Variants in GABBR2 observed in about 807,000 individuals in gnomAD.
GABBR2 encodes the protein gamma-aminobutyric acid type B receptor subunit 2.
A neutral mutation model predicts 105.6 loss-of-function variants in GABBR2; 23 were observed. The ratio of observed to expected loss-of-function variants is 0.22; its 90% CI spans 0.16 to 0.31. GABBR2 has a LOEUF of 0.31. Ranked by LOEUF, GABBR2 falls within the 10% of genes least tolerant of loss-of-function variation. GABBR2 has a pLI of 1.00. For missense variants in GABBR2, 734 were observed against 1,245.5 expected (o/e 0.59, Z 6.18); for synonymous variants, 478 against 499.7 (o/e 0.96, Z 0.58).
chr9:98,467,939 A>C (rs2151214), intron 6 of GABBR2, among the ~76,000 whole-genome samples: 115,682 of 152,156 alleles, frequency 0.76, 44,767 homozygotes, highest in East Asian at 0.9. Context: ...AGGAAACAAA[A>C]CGAACAGGAC....
intron 13 of GABBR2, among the ~76,000 whole-genome samples, chr9:98,319,623 C>T (rs1015498444): frequency 1.8e-4 from 28 of 152,076 alleles, no homozygotes; most frequent in African/African-American, 6.0e-4. Flanking sequence ...CTGGACCCCG[C>T]GTACTAAAGG....
At chr9:98,511,874 AG>A (rs1421537520) in intron 3 of GABBR2, among the ~76,000 whole-genome samples, 1 of 152,220 alleles carries the variant, frequency 6.6e-6, no homozygotes, top group African/African-American at 2.4e-5. Context: ...TCCAATCAAT[AG>A]AAAAAGAGGG....
At chr9:98,353,662 T>C (rs976843759) in intron 13 of GABBR2, among the ~76,000 whole-genome samples, 1 of 152,194 alleles carries the variant, frequency 6.6e-6, no homozygotes, top group African/African-American at 2.4e-5. Context: ...ACAACATTCA[T>C]CTTCTTTTAC....
intron 3 of GABBR2, among the ~76,000 whole-genome samples, chr9:98,510,581 C>T (rs1036447190): frequency 6.6e-5 from 10 of 152,066 alleles, no homozygotes; most frequent in African/African-American, 2.4e-4. Flanking sequence ...GGAAGATCTA[C>T]CAAGCAAACG....
chr9:98,562,778 G>C (rs1445871198), intron 2 of GABBR2, among the ~76,000 whole-genome samples: 2 of 152,086 alleles, frequency 1.3e-5, no homozygotes, highest in Non-Finnish European at 2.9e-5. Context: ...AACATAAATA[G>C]AGCAGCAAAT....
chr9:98,406,220 A>T, intron 7 of GABBR2, 79 bp from the exon 8 acceptor site: 1 of 754,326 alleles, frequency 1.3e-6, no homozygotes, highest in South Asian at 1.8e-5. Context: ...ATCTCACAGC[A>T]ATTCATTAAC....
At position 98,311,543 on chromosome 9, in the gene GABBR2, A is replaced by G. The variant is rs144180457; in HGVS notation, c.1894-338T>C. 4.5e-3 allele frequency among the ~76,000 whole-genome samples: 680 copies of G among 152,310 alleles called. 9 individuals are homozygous for G. Among genetic ancestry groups the G allele is most frequent in the African/African-American group, 0.015 (615 of 41,562 alleles). On this transcript the variant is annotated intron_variant, in intron 13 of 18. Coordinates refer to ENST00000259455, the MANE Select transcript of GABBR2 (RefSeq NM_005458.8). ...ACCTGGCCCAATGCAGGTACCGCTA[A>G]TATTTGTTGTGAGAATGAGGTATAA...
intron 1 of GABBR2, among the ~76,000 whole-genome samples, chr9:98,665,987 G>C (rs1483703020): frequency 1.3e-5 from 2 of 152,240 alleles, no homozygotes; most frequent in African/African-American, 4.8e-5. Context: ...ACCACTGTCT[G>C]TCTGGGGTTT....
At chr9:98,359,230 C>T (rs1161222352) in intron 13 of GABBR2, among the ~76,000 whole-genome samples, 2 of 151,968 alleles carry the variant, frequency 1.3e-5, no homozygotes, top group Non-Finnish European at 2.9e-5. Context: ...GAGTTTGAGA[C>T]CAGCCTGGAC....
At chr9:98,588,725 C>T (rs1253234780) in intron 1 of GABBR2, among the ~76,000 whole-genome samples, 1 of 152,182 alleles carries the variant, frequency 6.6e-6, no homozygotes, top group Non-Finnish European at 1.5e-5. Context: ...CAGGGTAAGA[C>T]TACATTTCCC....
intron 13 of GABBR2, among the ~76,000 whole-genome samples, chr9:98,347,363 C>T (rs1351481971): frequency 1.3e-5 from 2 of 152,086 alleles, no homozygotes; most frequent in Non-Finnish European, 2.9e-5. Flanking sequence ...TATTTGTTGG[C>T]TATTTGTATG....
At chr9:98,356,044 A>C (rs908370087) in intron 13 of GABBR2, among the ~76,000 whole-genome samples, 3 of 152,232 alleles carry the variant, frequency 2.0e-5, no homozygotes, top group Non-Finnish European at 4.4e-5. Context: ...ACCTTTCACA[A>C]AATTTTACTC....
intron 7 of GABBR2, among the ~76,000 whole-genome samples, chr9:98,408,334 T>C (rs55745247): frequency 0.053 from 8,006 of 152,266 alleles, 732 homozygotes; most frequent in African/African-American, 0.18. Context: ...AGAGGGCTTC[T>C]GTGACTGGGG....
rs56768409 is a variant in GABBR2 at position 98,436,280 on chromosome 9, C to CATATATATATAT, written c.1236+17689_1236+17700dup. On this transcript the variant is annotated intron_variant, in intron 7 of 18. Coordinates refer to ENST00000259455, the MANE Select transcript of GABBR2 (RefSeq NM_005458.8). ...CTTCTGTTATTTAAACAACAACAAC[C>CATATATATATAT]ATATATATATATATATATATATACC... is the stretch of plus-strand genomic sequence containing the variant. 3.0e-4 allele frequency among the ~76,000 whole-genome samples: 16 copies of CATATATATATAT among 53,924 alleles called. No individual in the cohort carries two copies. In the East Asian group the frequency reaches 3.1e-3, roughly 10 times the overall value. The allele number at this position is 53,924 out of a possible 152,430, so 35.4% of individuals were successfully genotyped here. A position where few individuals can be genotyped will look rare whatever the true frequency, so the allele number is the denominator to read the frequency against.
chr9:98,580,336 TC>T (rs1370763646), intron 1 of GABBR2, among the ~76,000 whole-genome samples: 2 of 152,182 alleles, frequency 1.3e-5, no homozygotes, highest in African/African-American at 4.8e-5. Context: ...CTAACATAGT[TC>T]CTAAAATTAT....
chr9:98,380,992 G>A (rs1408291397), intron 11 of GABBR2, among the ~76,000 whole-genome samples: 1 of 152,244 alleles, frequency 6.6e-6, no homozygotes, highest in East Asian at 1.9e-4. Context: ...GCTGCGCCAT[G>A]TCTGAACCTG....
chr9:98,592,769 G>A (rs1039752768), intron 1 of GABBR2, among the ~76,000 whole-genome samples: 3 of 152,184 alleles, frequency 2.0e-5, no homozygotes, highest in Admixed American at 2.0e-4. Flanking sequence ...GGGAAAGTGA[G>A]GATATGTCTT....
At chr9:98,683,725 C>T (rs1830580384) in intron 1 of GABBR2, among the ~76,000 whole-genome samples, 1 of 151,632 alleles carries the variant, frequency 6.6e-6, no homozygotes, top group African/African-American at 2.4e-5. Flanking sequence ...GAAAATTAAT[C>T]CAGGCCGGGT....
chr9:98,357,479 C>T (rs1009384055), intron 13 of GABBR2, among the ~76,000 whole-genome samples: 5 of 152,088 alleles, frequency 3.3e-5, no homozygotes, highest in African/African-American at 1.2e-4. Context: ...GAAACTCCGT[C>T]TTTACAAAAA....
Sources: gnomAD v4.1 joint callset for allele counts (sites outside exome capture counted in the v4.1 genomes callset) on GRCh38, gnomAD v4.1.1 for gene constraint, MANE v1.5 for transcripts, NCBI Gene and HGNC (gene_info 2026-07-23, HGNC 2026-07-21) for gene names.